ELF2: variants seen among roughly 807,000 people sequenced by gnomAD.
The protein encoded by ELF2 is E74 like ETS transcription factor 2, also known as ETS-related transcription factor Elf-2.
A neutral mutation model predicts 54.8 loss-of-function variants in ELF2; 11 were observed. The observed-to-expected ratio is 0.20, with a 90% CI of 0.13 to 0.33. The LOEUF is 0.33. Among genes scored for constraint, ELF2 ranks in the 10% least tolerant of loss-of-function variants. The pLI is 1.00. For missense variants in ELF2, 513 were observed against 703.0 expected (o/e 0.73, Z 3.06); for synonymous variants, 203 against 245.1 (o/e 0.83, Z 1.61).
chr4:139,084,423 GGGCGGCAGGGGCAGGGGC>G (rs1052429904), intron 4 of ELF2: 1 of 1,278,818 alleles, frequency 7.8e-7, no homozygotes, highest in African/African-American at 1.6e-5. Flanking sequence ...GCAGGGGCAG[GGGCGGCAGGGGCAGGGGC>G]GGCGGCGGCG....
Position 139,177,111 on chromosome 4 carries a change from C to T in ELF2, c.-396G>A, listed in dbSNP as rs1019635481. ...GCCGCTCCACAGGGAGAGAAGGAGACAAAACAGAGGCTCGCCGCCCCGCGC... is the reference window on the plus strand; with the variant it reads ...GCCGCTCCACAGGGAGAGAAGGAGATAAAACAGAGGCTCGCCGCCCCGCGC... On this transcript the variant is annotated 5_prime_UTR_variant, in exon 1 of 10. Transcript: ENST00000686138. 1.3e-5 allele frequency: 2 copies of T among 152,402 alleles called. No individual in the cohort carries two copies. Among genetic ancestry groups the T allele is most frequent in the African/African-American group, 2.4e-5 (1 of 41,440 alleles). 9.4% of individuals were successfully genotyped at this position (152,402 alleles called of 1,614,324 possible).
intron 1 of ELF2, among the ~76,000 whole-genome samples, chr4:139,149,944 C>T (rs1290072413): frequency 6.6e-6 from 1 of 152,178 alleles, no homozygotes; most frequent in African/African-American, 2.4e-5. Flanking sequence ...CCTCTAGTCA[C>T]AGCACTTACG....
intron 1 of ELF2, among the ~76,000 whole-genome samples, chr4:139,154,983 C>T (rs1385224364): frequency 2.0e-5 from 3 of 152,200 alleles, no homozygotes; most frequent in Admixed American, 1.3e-4. Context: ...AAATCATCTT[C>T]GGAGAAAGGC....
chr4:139,114,559 T>TCACACACA (rs1410927721), intron 4 of ELF2, among the ~76,000 whole-genome samples: 79 of 27,596 alleles, frequency 2.9e-3, no homozygotes, highest in African/African-American at 8.3e-3. Context: ...GAGACTTCAG[T>TCACACACA]CTCACACACA....
chr4:139,114,020 C>G (rs1186215944), intron 4 of ELF2, among the ~76,000 whole-genome samples: 1 of 152,010 alleles, frequency 6.6e-6, no homozygotes, highest in African/African-American at 2.4e-5. Flanking sequence ...TTTTAACGAG[C>G]CCTTAAAGGA....
At chr4:139,136,063 C>T (rs1264108085) in intron 3 of ELF2, among the ~76,000 whole-genome samples, 1 of 152,114 alleles carries the variant, frequency 6.6e-6, no homozygotes, top group Non-Finnish European at 1.5e-5. Context: ...CAGAGCAAAA[C>T]TATATGGCAG....
intron 7 of ELF2, among the ~76,000 whole-genome samples, chr4:139,062,525 TA>T (rs1411601389): frequency 2.6e-5 from 4 of 152,248 alleles, no homozygotes; most frequent in Non-Finnish European, 5.9e-5. Flanking sequence ...GTTATGATGC[TA>T]AAATACAGGT....
Position 139,072,011 on chromosome 4 carries a change from T to C in ELF2, c.381A>G (p.Ser127=). 6.2e-7 allele frequency: 1 copy of C among 1,609,848 alleles called. No homozygotes were observed. The highest frequency in any genetic ancestry group is 8.5e-7 in the Non-Finnish European group (1 of 1,179,098). ...TAGCAGCATGGATGAATTCTGGAGT[T>C]GATACACAAGGAGGAACAAACACTT... ...PVEVFVPPCV[S]TPEFIHAAMR... is the part of the protein sequence containing the mutation. The change falls in exon 6 of 10, where the codon TCA becomes TCG. Residue 127 remains serine, a synonymous_variant. Transcript: ENST00000686138.
chr4:139,071,744 C>A, intron 6 of ELF2, 122 bp downstream of exon 6: 1 of 894,150 alleles, frequency 1.1e-6, no homozygotes, highest in East Asian at 2.8e-5. Context: ...TTGAGAATAT[C>A]TGGTTAAGAT....
At chr4:139,177,300 C>T (rs868042498), upstream of ELF2, 2 of 150,896 alleles carry the variant, frequency 1.3e-5, no homozygotes, top group East Asian at 4.0e-4. Flanking sequence ...CCTGCCGCCT[C>T]CACCAGGACA....
intron 4 of ELF2, among the ~76,000 whole-genome samples, chr4:139,082,131 A>G (rs534959225): frequency 2.6e-5 from 4 of 152,194 alleles, no homozygotes; most frequent in Admixed American, 2.0e-4. Flanking sequence ...ATAGTTTCCA[A>G]TGGCAAAGTG....
intron 9 of ELF2, 57 bp from the exon 10 acceptor site, chr4:139,059,664 T>A: frequency 6.5e-7 from 1 of 1,547,294 alleles, no homozygotes; most frequent in Non-Finnish European, 8.7e-7. Flanking sequence ...AGAAAATAGG[T>A]CTCCTGAGTA....
chr4:139,137,984 T>A, intron 2 of ELF2, 117 bp from the exon 3 acceptor site: 2 of 674,320 alleles, frequency 3.0e-6, no homozygotes, highest in Non-Finnish European at 4.3e-6. Flanking sequence ...AAGACAGGCT[T>A]AACATCCCCG....
At chr4:139,151,051 A>AG (rs1337765609) in intron 1 of ELF2, among the ~76,000 whole-genome samples, 60 of 87,594 alleles carry the variant, frequency 6.8e-4, no homozygotes, top group Non-Finnish European at 1.0e-3. Flanking sequence ...AAAGAAAGAA[A>AG]GAAAGAAAGA....
intron 4 of ELF2, among the ~76,000 whole-genome samples, chr4:139,092,423 T>TAACATAACATAACA (rs1732755452): frequency 8.8e-6 from 1 of 113,688 alleles, no homozygotes; most frequent in African/African-American, 3.3e-5. Flanking sequence ...ATACATAACA[T>TAACATAACATAACA]AACATAACAT....
intron 1 of ELF2, among the ~76,000 whole-genome samples, chr4:139,141,615 G>C (rs1459951356): frequency 6.6e-6 from 1 of 152,190 alleles, no homozygotes; most frequent in Non-Finnish European, 1.5e-5. Context: ...GACTAGTCTA[G>C]TCACCTTGGC....
At chr4:139,159,758 G>A (rs536501701) in intron 1 of ELF2, among the ~76,000 whole-genome samples, 4 of 152,310 alleles carry the variant, frequency 2.6e-5, no homozygotes, top group African/African-American at 9.6e-5. Context: ...CCTTTGCAGT[G>A]AATGACTCCA....
At chr4:139,084,106 A>G in intron 4 of ELF2, 2 of 1,612,966 alleles carry the variant, frequency 1.2e-6, no homozygotes, top group Non-Finnish European at 1.7e-6. Context: ...GCACCGATGC[A>G]CGGGAGAAAA....
intron 1 of ELF2, among the ~76,000 whole-genome samples, chr4:139,166,048 T>C (rs760140046): frequency 2.0e-4 from 30 of 152,052 alleles, no homozygotes; most frequent in Non-Finnish European, 3.8e-4. Context: ...GATTCTTCTC[T>C]AAAAACAGGC....
Sources: allele counts gnomAD v4.1 joint callset (sites outside exome capture counted in the v4.1 genomes callset), GRCh38; gene constraint gnomAD v4.1.1; transcripts MANE v1.5; gene names NCBI Gene and HGNC (gene_info 2026-07-23, HGNC 2026-07-21).